Variants in NFYC observed in about 807,000 individuals in gnomAD.
NFYC encodes the protein nuclear transcription factor Y subunit gamma.
A neutral mutation model predicts 53.1 loss-of-function variants in NFYC; 25 were observed. The ratio of observed to expected loss-of-function variants is 0.47; its 90% confidence interval spans 0.34 to 0.66. The LOEUF (loss-of-function observed/expected upper bound fraction) is 0.66. Ranked by LOEUF, NFYC falls within the 30% of genes least tolerant of loss-of-function variation. NFYC has a pLI of 0.01. For missense variants in NFYC, 260 were observed against 422.7 expected, an observed-to-expected ratio of 0.62 and a Z score of 3.38; for synonymous variants, 145 against 152.6, an observed-to-expected ratio of 0.95 and a Z score of 0.37.
chr1:40,738,805 T>G, intron 1 of NFYC, 31 bp from the exon 2 acceptor site: 1 of 1,491,260 alleles, frequency 6.7e-7, no homozygotes, highest in South Asian at 1.1e-5. Flanking sequence ...TTATTGTTTC[T>G]AATGTGTCTT....
At chr1:40,748,114 G>A (rs1048869351) in intron 3 of NFYC, among the ~76,000 whole-genome samples, 1 of 151,576 alleles carries the variant, frequency 6.6e-6, no homozygotes, top group African/African-American at 2.4e-5. Flanking sequence ...GGGATTACAG[G>A]TGTGAGCCAC....
At chr1:40,695,453 T>C (rs937828582) in intron 1 of NFYC, among the ~76,000 whole-genome samples, 1 of 152,194 alleles carries the variant, frequency 6.6e-6, no homozygotes, top group African/African-American at 2.4e-5. Flanking sequence ...AGAGTTTTAC[T>C]CTGTCACTCA....
intron 4 of NFYC, among the ~76,000 whole-genome samples, chr1:40,751,226 A>T (rs1645896020): frequency 6.6e-6 from 1 of 152,328 alleles, no homozygotes; most frequent in Middle Eastern, 3.4e-3. Context: ...GCTCCATACA[A>T]CATGGATAAA....
chr1:40,767,648 G>C (rs1646886361), intron 8 of NFYC, among the ~76,000 whole-genome samples: 1 of 152,140 alleles, frequency 6.6e-6, no homozygotes, highest in African/African-American at 2.4e-5. Context: ...ATGGGAGTGG[G>C]AGGAAATGAG....
At chr1:40,762,851 T>G in intron 6 of NFYC, 37 bp from the exon 7 acceptor site, 2 of 1,519,820 alleles carry the variant, frequency 1.3e-6, no homozygotes, top group South Asian at 2.6e-5. Flanking sequence ...GCTCTGAGCC[T>G]GAACTCACGC....
rs772386713 is a variant in NFYC, at chr1:40,758,267, C to A, written c.534C>A (p.Ile178=). ...CGACCACCATCCAGCCTGGGCAGAT[C>A]ATCATCGCACAGCCTCAGCAGGGCC... The part of the protein sequence containing the change: ...SSTTTIQPGQ[I]IIAQPQQGQT... The change falls in exon 6 of 10, where the codon ATC becomes ATA. Residue 178 remains isoleucine (I), a synonymous_variant. Coordinates refer to ENST00000447388, the MANE Select transcript of NFYC (RefSeq NM_014223.5). 2 of 1,613,098 alleles carry A rather than the reference C, an allele frequency of 1.2e-6. No individual in the cohort carries two copies. The highest frequency in any genetic ancestry group is 1.7e-5 in the Admixed American group (1 of 59,986).
intron 1 of NFYC, among the ~76,000 whole-genome samples, chr1:40,706,946 G>C (rs986078583): frequency 1.3e-5 from 2 of 151,962 alleles, no homozygotes; most frequent in African/African-American, 4.8e-5. Flanking sequence ...GAGGTGGGTA[G>C]GTTTTCTGAG....
In NFYC at chr1:40,770,430, C is replaced by T. The variant is rs1319412284; in HGVS notation, c.889-279C>T. ...CGTGCAGCAAGCTCGAGTCTCTGAG[C>T]TAACGGGAGAGGCAGAGCCCAGAGA... On this transcript the variant is annotated intron_variant, in intron 9 of 9. Transcript: ENST00000447388. The surrounding 1 kb of genome is among the most constrained non-coding windows in gnomAD (Gnocchi z 5.3). 1 of 1,550,016 alleles carries T rather than the reference C, an allele frequency of 6.5e-7. No homozygotes were observed. The highest frequency in any genetic ancestry group is 1.2e-5 in the South Asian group (1 of 84,044).
intron 1 of NFYC, among the ~76,000 whole-genome samples, chr1:40,738,387 G>A (rs991680086): frequency 6.6e-6 from 1 of 152,146 alleles, no homozygotes; most frequent in African/African-American, 2.4e-5. Flanking sequence ...TAATCACTGG[G>A]GACTTTTAAT....
intron 1 of NFYC, among the ~76,000 whole-genome samples, chr1:40,725,208 A>G (rs1016050924): frequency 6.6e-5 from 10 of 152,234 alleles, no homozygotes; most frequent in Non-Finnish European, 1.0e-4. Context: ...AATAGAGACT[A>G]TTGAACCTTC....
At chr1:40,698,363 GAA>G (rs774076369) in intron 1 of NFYC, among the ~76,000 whole-genome samples, 2 of 136,016 alleles carry the variant, frequency 1.5e-5, no homozygotes, top group Admixed American at 7.4e-5. Context: ...TTCCCTCTTT[GAA>G]AAAAAAAAAA....
At chr1:40,703,459 T>G (rs1643540353) in intron 1 of NFYC, among the ~76,000 whole-genome samples, 1 of 110,706 alleles carries the variant, frequency 9.0e-6, no homozygotes. Flanking sequence ...GCCACTGTAC[T>G]CCAGCCTGGG....
At position 40,770,567 on chromosome 1, in the gene NFYC, C is replaced by A; in HGVS notation, c.889-142C>A. ...TCTGCTGCTCCCAACCCCAGCAGAG[C>A]TCCACTTCCCCTCCTCCTTCTGACG... On this transcript the variant is annotated intron_variant, in intron 9 of 9. Transcript: ENST00000447388. This position sits in a 1 kb window ranked among gnomAD's most constrained non-coding sequence, Gnocchi z 5.3. 1 of 1,600,596 alleles carries A rather than the reference C, an allele frequency of 6.2e-7. No homozygotes were observed. Among genetic ancestry groups the A allele is most frequent in the South Asian group, 1.1e-5 (1 of 89,182 alleles).
rs1020505562 is a variant in NFYC, at chr1:40,730,528, G to A, written c.-8-8308G>A. 27 of 983,002 alleles carry A rather than the reference G, an allele frequency of 2.7e-5. No individual in the cohort carries two copies. The African/African-American group carries it at 4.4e-4, about 16-fold the overall frequency. 60.9% of individuals were successfully genotyped at this position (983,002 alleles called of 1,614,324 possible). A position where few individuals can be genotyped will look rare whatever the true frequency, so the allele number is the denominator to read the frequency against. ...ATAAAGTGAAATGCAATAAAACAAG[G>A]TATAGTTGTAAAAAGGATGTCACCT... On this transcript the variant is annotated intron_variant, in intron 1 of 9. Transcript: ENST00000447388.
At position 40,707,130 on chromosome 1, in the gene NFYC, G is replaced by A. The variant is rs554458269; in HGVS notation, c.-9+15263G>A. ...GGTTGCTGCGAGCTGAGATCGCACC[G>A]TTGTACTCTAGCCTAGGTGACAGAG... On this transcript the variant is annotated intron_variant, in intron 1 of 9. Transcript: ENST00000447388. Among the ~76,000 whole-genome samples, 10 of 151,022 alleles carry A rather than the reference G, an allele frequency of 6.6e-5. No individual in the cohort carries two copies. In the South Asian group the frequency reaches 1.7e-3, roughly 25 times the overall value.
At chr1:40,730,692 C>G in intron 1 of NFYC, 1 of 671,932 alleles carries the variant, frequency 1.5e-6, no homozygotes, top group Non-Finnish European at 1.8e-6. Context: ...CCCAAAAAGC[C>G]TAAGGGCTGC....
At chr1:40,767,263 G>A in intron 8 of NFYC, 1 of 401,404 alleles carries the variant, frequency 2.5e-6, no homozygotes, top group Non-Finnish European at 4.7e-6. Flanking sequence ...CAGAAGATGG[G>A]GGGTGCTGGT....
In NFYC at chr1:40,762,887, G is replaced by T; in HGVS notation, c.562-1G>T. 1 of 1,594,886 alleles carries T rather than the reference G, an allele frequency of 6.3e-7. No individual in the cohort carries two copies. The highest frequency in any genetic ancestry group is 1.1e-5 in the South Asian group (1 of 88,846). On this transcript the variant is annotated splice_acceptor_variant, in intron 6 of 9. Coordinates refer to ENST00000447388, the MANE Select transcript of NFYC (RefSeq NM_014223.5). LOFTEE classifies it high-confidence loss of function. ...AGCATTCTCATAACTCTTCCTTTCA[G>T]ACCACACCTGTGACAATGCAGGTTG...
chr1:40,737,534 G>C (rs527698349), intron 1 of NFYC, among the ~76,000 whole-genome samples: 1 of 151,816 alleles, frequency 6.6e-6, no homozygotes, highest in African/African-American at 2.4e-5. Context: ...TCACCATGTT[G>C]CCCAGGCTGG....
Sources: allele counts gnomAD v4.1 joint callset (sites outside exome capture counted in the v4.1 genomes callset), GRCh38; gene constraint gnomAD v4.1.1; non-coding constraint Gnocchi (gnomAD v3.1); transcripts MANE v1.5; gene names NCBI Gene and HGNC (gene_info 2026-07-23, HGNC 2026-07-21).